Variants in REDIC1 observed in about 807,000 individuals in gnomAD.
REDIC1 encodes regulator of DNA class I crossover intermediates 1, also known as HEI10 Interacting Protein 1.
At chr12:39,859,333 GAAA>G in the REDIC1 span, among the ~76,000 whole-genome samples, 8,590 of 61,754 alleles carry the variant, frequency 0.14, 516 homozygotes, top group Middle Eastern at 0.19. Context: ...TTTTTTTTCT[GAAA>G]AAAAAAAAAA....
the REDIC1 span, among the ~76,000 whole-genome samples, chr12:39,822,377 G>A: frequency 6.6e-6 from 1 of 151,900 alleles, no homozygotes; most frequent in Non-Finnish European, 1.5e-5. Context: ...TGATTCCCAC[G>A]CCTATGAAAA....
the REDIC1 span, among the ~76,000 whole-genome samples, chr12:39,734,894 GATTGTGTTGACTCGCT>G: frequency 2.0e-5 from 3 of 152,178 alleles, no homozygotes; most frequent in Non-Finnish European, 4.4e-5. Flanking sequence ...TTTTGGTAAG[GATTGTGTTGACTCGCT>G]ATCTCAATTT....
chr12:39,719,254 C>T, the REDIC1 span, among the ~76,000 whole-genome samples: 1 of 152,066 alleles, frequency 6.6e-6, no homozygotes, highest in African/African-American at 2.4e-5. Context: ...TAATGCATTT[C>T]TAAAGGATCC....
chr12:39,673,847 TTTTA>T, the REDIC1 span, among the ~76,000 whole-genome samples: 3 of 152,222 alleles, frequency 2.0e-5, no homozygotes, highest in Non-Finnish European at 4.4e-5. Context: ...GTTCATTGTC[TTTTA>T]TTTGTCTATT....
the REDIC1 span, among the ~76,000 whole-genome samples, chr12:39,849,086 C>A: frequency 6.6e-6 from 1 of 152,002 alleles, no homozygotes; most frequent in Non-Finnish European, 1.5e-5. Context: ...AGCTTAATAC[C>A]TGGGAGATGT....
the REDIC1 span, among the ~76,000 whole-genome samples, chr12:39,837,267 T>C: frequency 2.0e-5 from 3 of 150,342 alleles, no homozygotes; most frequent in East Asian, 5.9e-4. Flanking sequence ...TAAATGGTGC[T>C]GGGAAAACTG....
At chr12:39,698,924 T>TA in the REDIC1 span, among the ~76,000 whole-genome samples, 1 of 152,058 alleles carries the variant, frequency 6.6e-6, no homozygotes, top group Non-Finnish European at 1.5e-5. Context: ...CTATATATCT[T>TA]AAAGAACTAG....
At chr12:39,784,704 C>G in the REDIC1 span, among the ~76,000 whole-genome samples, 1 of 152,202 alleles carries the variant, frequency 6.6e-6, no homozygotes, top group Admixed American at 6.5e-5. Context: ...GCAATGGCAA[C>G]AAAAGCCAAA....
the REDIC1 span, among the ~76,000 whole-genome samples, chr12:39,777,734 A>C: frequency 6.6e-6 from 1 of 152,244 alleles, no homozygotes; most frequent in African/African-American, 2.4e-5. Context: ...AGGCATCGGC[A>C]TGCCAGCAGG....
At chr12:39,763,191 A>T in the REDIC1 span, among the ~76,000 whole-genome samples, 1 of 152,072 alleles carries the variant, frequency 6.6e-6, no homozygotes, top group Non-Finnish European at 1.5e-5. Context: ...ATCCAGCTGA[A>T]TATACTAAAT....
At chr12:39,815,960 A>G in the REDIC1 span, among the ~76,000 whole-genome samples, 1 of 152,172 alleles carries the variant, frequency 6.6e-6, no homozygotes. Context: ...TGTTCTGAGT[A>G]TACATTTTGT....
the REDIC1 span, among the ~76,000 whole-genome samples, chr12:39,843,276 C>G: frequency 6.6e-6 from 1 of 151,846 alleles, no homozygotes; most frequent in African/African-American, 2.4e-5. Flanking sequence ...TCAGGTTTTC[C>G]AAATCAGTGC....
the REDIC1 span, among the ~76,000 whole-genome samples, chr12:39,747,072 C>A: frequency 6.6e-6 from 1 of 152,186 alleles, no homozygotes; most frequent in Non-Finnish European, 1.5e-5. Flanking sequence ...CAAAGCTGGA[C>A]AGAGAATGAC....
chr12:39,840,622 T>C, the REDIC1 span, among the ~76,000 whole-genome samples: 1 of 151,990 alleles, frequency 6.6e-6, no homozygotes, highest in Non-Finnish European at 1.5e-5. Context: ...TTTCCTATAC[T>C]TCCTTTGCTT....
the REDIC1 span, chr12:39,755,356 A>G: frequency 3.3e-5 from 5 of 152,098 alleles, no homozygotes; most frequent in East Asian, 1.9e-4. Context: ...AAATTAAAAT[A>G]TACAGTTTGA....
the REDIC1 span, among the ~76,000 whole-genome samples, chr12:39,718,105 A>G: frequency 6.6e-6 from 1 of 152,038 alleles, no homozygotes; most frequent in Non-Finnish European, 1.5e-5. Context: ...GATGATGTTC[A>G]TGGCTTTTTC....
chr12:39,785,424 C>T, the REDIC1 span, among the ~76,000 whole-genome samples: 5 of 152,186 alleles, frequency 3.3e-5, no homozygotes, highest in Non-Finnish European at 5.9e-5. Flanking sequence ...GGAACTTCCA[C>T]CTAGATTTCA....
the REDIC1 span, among the ~76,000 whole-genome samples, chr12:39,712,557 G>A: frequency 2.1e-5 from 3 of 139,966 alleles, no homozygotes; most frequent in East Asian, 2.1e-4. Flanking sequence ...CACGACATAT[G>A]TGTATATACG....
the REDIC1 span, among the ~76,000 whole-genome samples, chr12:39,705,530 G>T: frequency 5.9e-5 from 9 of 151,980 alleles, no homozygotes; most frequent in African/African-American, 2.2e-4. Flanking sequence ...ACTGATCAGT[G>T]TCTCTGATGA....
Sources: allele counts gnomAD v4.1 joint callset (sites outside exome capture counted in the v4.1 genomes callset), GRCh38; gene constraint gnomAD v4.1.1; transcripts MANE v1.5; gene names NCBI Gene and HGNC (gene_info 2026-07-23, HGNC 2026-07-21).